The following IL1RAPL2 variants were observed in gnomAD, a reference collection of about 807,000 sequenced individuals.
The protein encoded by IL1RAPL2 is X-linked interleukin-1 receptor accessory protein-like 2.
IL1RAPL2 carries 3 observed loss-of-function variants against 44.1 expected under a neutral mutation model. The ratio of observed to expected loss-of-function variants is 0.07; its 90% CI spans 0.03 to 0.18. The LOEUF (loss-of-function observed/expected upper bound fraction) is 0.18. IL1RAPL2 is among the 10% of genes least tolerant of loss of function. IL1RAPL2 has a pLI of 1.00. For synonymous variants in IL1RAPL2, 181 were observed against 178.8 expected, an observed-to-expected ratio of 1.01 and a Z score of -0.10; for missense variants, 391 against 496.4, an observed-to-expected ratio of 0.79 and a Z score of 2.02.
At chrX:105,026,698 A>T (rs2031378483) in intron 2 of IL1RAPL2, among the ~76,000 whole-genome samples, 1 of 111,148 alleles carries the variant, frequency 9.0e-6, no homozygotes. Flanking sequence ...GAGGACACCA[A>T]AAAATGGAAA....
intron 6 of IL1RAPL2, among the ~76,000 whole-genome samples, chrX:105,539,955 C>T (rs2036707802): frequency 9.0e-6 from 1 of 110,912 alleles, no homozygotes; most frequent in African/African-American, 3.3e-5. Flanking sequence ...AAATGCAAAT[C>T]AAAACCACAA....
chrX:104,766,339 A>G (rs1357757320), intron 2 of IL1RAPL2, among the ~76,000 whole-genome samples: 2 of 111,363 alleles, frequency 1.8e-5, no homozygotes, highest in African/African-American at 6.5e-5. Flanking sequence ...TAAAAATCCT[A>G]TGACTTCCCA....
At chrX:104,569,919 G>A (rs781438640) in intron 1 of IL1RAPL2, among the ~76,000 whole-genome samples, 12 of 112,139 alleles carry the variant, frequency 1.1e-4, no homozygotes, top group Non-Finnish European at 1.9e-4. Context: ...GAAACCAAAG[G>A]GGAACATATA....
rs190086001 is a variant in IL1RAPL2 at position 104,674,425 on chromosome X, C to A, written c.82+15430C>A. Among the ~76,000 whole-genome samples, 4 of 111,992 alleles carry A rather than the reference C, an allele frequency of 3.6e-5. No individual in the cohort carries two copies. The Admixed American group carries it at 3.8e-4, about 11-fold the overall frequency. On this transcript the variant is annotated intron_variant, in intron 2 of 10. Transcript: ENST00000372582. ...TATTGATTTGCGTATATTGAACCAG[C>A]CTTGCATCCCAGGGATGAAGCCCAC... is the stretch of plus-strand genomic sequence containing the variant.
intron 7 of IL1RAPL2, among the ~76,000 whole-genome samples, chrX:105,728,574 G>A (rs191209972): frequency 2.4e-4 from 27 of 111,369 alleles, no homozygotes; most frequent in African/African-American, 8.1e-4. Context: ...GAAGTTAACA[G>A]ATAAGAGGAT....
chrX:105,256,483 C>T (rs149718502), intron 4 of IL1RAPL2, among the ~76,000 whole-genome samples: 453 of 109,740 alleles, frequency 4.1e-3, no homozygotes, highest in Non-Finnish European at 6.5e-3. Context: ...TGCCTGCCAC[C>T]GCACCCAGCT....
chrX:104,897,179 G>A (rs766385984), intron 2 of IL1RAPL2, among the ~76,000 whole-genome samples: 2 of 112,172 alleles, frequency 1.8e-5, no homozygotes, highest in East Asian at 5.6e-4. Flanking sequence ...ATCACAGGCA[G>A]TTATTATCAG....
At chrX:104,640,131 C>A (rs1473838264) in intron 1 of IL1RAPL2, among the ~76,000 whole-genome samples, 1 of 111,175 alleles carries the variant, frequency 9.0e-6, no homozygotes, top group East Asian at 2.8e-4. Flanking sequence ...CATTTGGTTG[C>A]TTTGTTGTAT....
intron 5 of IL1RAPL2, among the ~76,000 whole-genome samples, chrX:105,473,294 A>C (rs781328646): frequency 8.9e-6 from 1 of 111,838 alleles, no homozygotes; most frequent in East Asian, 2.8e-4. Context: ...TCATGTAAAC[A>C]AATAGGTTAC....
At chrX:105,002,633 T>A (rs2030871287) in intron 2 of IL1RAPL2, among the ~76,000 whole-genome samples, 2 of 110,838 alleles carry the variant, frequency 1.8e-5, no homozygotes, top group African/African-American at 3.3e-5. Flanking sequence ...TTACATACAA[T>A]ACCTTCCTTC....
chrX:105,755,471 A>G (rs2038630519), intron 10 of IL1RAPL2, 124 bp downstream of exon 10: 1 of 454,250 alleles, frequency 2.2e-6, no homozygotes, highest in African/African-American at 2.4e-5. Context: ...CTTAAATCCA[A>G]ATTTTTCCCA....
At chrX:104,591,143 C>T (rs1433867743) in intron 1 of IL1RAPL2, among the ~76,000 whole-genome samples, 13 of 111,548 alleles carry the variant, frequency 1.2e-4, no homozygotes, top group Non-Finnish European at 2.4e-4. Context: ...ACTTTTTTTC[C>T]TTCTCTGCTT....
chrX:104,584,417 G>T (rs1928467832), intron 1 of IL1RAPL2, among the ~76,000 whole-genome samples: 1 of 109,655 alleles, frequency 9.1e-6, no homozygotes, highest in Non-Finnish European at 1.9e-5. Context: ...CTCCATAAGT[G>T]TCAGTGTCTG....
chrX:104,830,268 C>T (rs1217104924), intron 2 of IL1RAPL2, among the ~76,000 whole-genome samples: 1 of 110,688 alleles, frequency 9.0e-6, no homozygotes, highest in African/African-American at 3.3e-5. Context: ...AATCTTAGAC[C>T]TGAAGGTAGG....
chrX:104,644,373 TA>T (rs1237986415), intron 1 of IL1RAPL2, among the ~76,000 whole-genome samples: 1 of 111,413 alleles, frequency 9.0e-6, no homozygotes, highest in East Asian at 2.8e-4. Context: ...TTTCTACAGA[TA>T]AACTTGCCAG....
intron 1 of IL1RAPL2, among the ~76,000 whole-genome samples, chrX:104,648,724 T>C (rs1205368910): frequency 9.0e-6 from 1 of 111,528 alleles, no homozygotes. Flanking sequence ...CATAACACTT[T>C]TGATTTTATC....
intron 5 of IL1RAPL2, among the ~76,000 whole-genome samples, chrX:105,324,948 A>T (rs1434850741): frequency 8.9e-6 from 1 of 112,175 alleles, no homozygotes; most frequent in African/African-American, 3.2e-5. Context: ...AATCTTTCTC[A>T]TAAGTAAATT....
intron 5 of IL1RAPL2, among the ~76,000 whole-genome samples, chrX:105,280,029 T>C (rs1473603234): frequency 8.9e-6 from 1 of 111,943 alleles, no homozygotes; most frequent in Non-Finnish European, 1.9e-5. Flanking sequence ...CTTCAAACTC[T>C]ACTACAAGGC....
chrX:105,358,834 T>G (rs983432326), intron 5 of IL1RAPL2, among the ~76,000 whole-genome samples: 1 of 110,975 alleles, frequency 9.0e-6, no homozygotes, highest in Non-Finnish European at 1.9e-5. Context: ...GTAAATGGAG[T>G]AAGTATGAGA....
Sources: gnomAD v4.1 joint callset for allele counts (sites outside exome capture counted in the v4.1 genomes callset) on GRCh38, gnomAD v4.1.1 for gene constraint, MANE v1.5 for transcripts, NCBI Gene and HGNC (gene_info 2026-07-23, HGNC 2026-07-21) for gene names.